Variants in DUSP29 observed in about 807,000 individuals in gnomAD.
DUSP29 encodes atypical dual-specific protein phosphatase.
DUSP29 carries 12 observed loss-of-function variants against 13.5 expected under a neutral mutation model. The observed-to-expected ratio is 0.89, with a 90% CI of 0.57 to 1.44. The LOEUF (loss-of-function observed/expected upper bound fraction) is 1.44. DUSP29 is among the 40% of genes most tolerant of loss of function. DUSP29 has a pLI of 0.00. For synonymous variants in DUSP29, 134 were observed against 128.7 expected (o/e 1.04, Z -0.28); for missense variants, 308 against 301.1 (o/e 1.02, Z -0.17).
At chr10:75,069,919 G>A (rs1847286475) in intron 1 of DUSP29, among the ~76,000 whole-genome samples, 1 of 151,638 alleles carries the variant, frequency 6.6e-6, no homozygotes, top group South Asian at 2.1e-4. Flanking sequence ...GCGTGGTGGT[G>A]TGTGCCTGTA....
At chr10:75,072,598 CATG>C (rs1021267522) in intron 1 of DUSP29, among the ~76,000 whole-genome samples, 134 of 152,160 alleles carry the variant, frequency 8.8e-4, no homozygotes, top group African/African-American at 3.1e-3. Flanking sequence ...ATGATATTCT[CATG>C]ATGAGAACAA....
At chr10:75,068,620 T>C (rs560687119) in intron 1 of DUSP29, among the ~76,000 whole-genome samples, 3 of 152,166 alleles carry the variant, frequency 2.0e-5, no homozygotes, top group Non-Finnish European at 4.4e-5. Flanking sequence ...GTTTCTTCCA[T>C]GACACCACCC....
At chr10:75,063,478 T>A (rs2134302789) in intron 1 of DUSP29, among the ~76,000 whole-genome samples, 1 of 152,050 alleles carries the variant, frequency 6.6e-6, no homozygotes, top group African/African-American at 2.4e-5. Flanking sequence ...GGAGTTAACA[T>A]CCCCCAGAAG....
intron 1 of DUSP29, among the ~76,000 whole-genome samples, chr10:75,061,901 G>T (rs1719490634): frequency 6.6e-6 from 1 of 152,214 alleles, no homozygotes; most frequent in African/African-American, 2.4e-5. Context: ...GGGCTGTGAG[G>T]CCTGTGCAAG....
intron 1 of DUSP29, among the ~76,000 whole-genome samples, chr10:75,071,470 C>T (rs570270315): frequency 6.6e-6 from 1 of 152,332 alleles, no homozygotes; most frequent in African/African-American, 2.4e-5. Flanking sequence ...CCCTCATCTA[C>T]TGTGGGGTCA....
At chr10:75,038,193 C>T (rs1846506610) in intron 3 of DUSP29, 116 bp from the exon 4 acceptor site, 2 of 1,359,334 alleles carry the variant, frequency 1.5e-6, no homozygotes, top group East Asian at 4.9e-5. Flanking sequence ...TGACTCAGCA[C>T]TGTGCCCCAC....
chr10:75,050,776 G>A (rs1187343612), intron 2 of DUSP29, among the ~76,000 whole-genome samples: 1 of 152,252 alleles, frequency 6.6e-6, no homozygotes, highest in Admixed American at 6.5e-5. Context: ...CACCTTGTGT[G>A]AAGAAGACTT....
At chr10:75,070,070 A>AAAGGAAGGAAGG (rs71024533) in intron 1 of DUSP29, among the ~76,000 whole-genome samples, 1 of 105,398 alleles carries the variant, frequency 9.5e-6, no homozygotes, top group Non-Finnish European at 1.9e-5. Context: ...AAGAAAGAAG[A>AAAGGAAGGAAGG]AAGGAAGGAA....
rs531076457 is a variant in DUSP29 at position 75,059,167 on chromosome 10, G to T, written c.-34-619C>A. Among the ~76,000 whole-genome samples, 19 of 152,284 alleles carry T rather than the reference G, an allele frequency of 1.2e-4. No individual in the cohort carries two copies. The South Asian group carries it at 2.7e-3, about 22-fold the overall frequency. ...CAATGCTCACACTCTCACACTGGGA[G>T]CCTGGCCATCACTGTGTTAACTTAC... is the stretch of plus-strand genomic sequence containing the variant. On this transcript the variant is annotated intron_variant, in intron 1 of 3. Coordinates refer to ENST00000338487, the MANE Select transcript of DUSP29 (RefSeq NM_001003892.3).
intron 3 of DUSP29, among the ~76,000 whole-genome samples, chr10:75,040,810 C>T (rs1453663320): frequency 2.0e-5 from 3 of 152,104 alleles, no homozygotes; most frequent in Non-Finnish European, 2.9e-5. Flanking sequence ...GGATTATCTC[C>T]GAGATATTTT....
At position 75,037,919 on chromosome 10, in the gene DUSP29, G is replaced by A. The variant is rs370018285; in HGVS notation, c.580C>T (p.Arg194Trp). 1.7e-4 allele frequency: 273 copies of A among 1,613,648 alleles called. No individual in the cohort carries two copies. Among genetic ancestry groups the A allele is most frequent in the Middle Eastern group, 3.3e-4 (2 of 6,052 alleles). Residue 194 changes from arginine to tryptophan, a missense_variant, in exon 4 of 4, where the codon CGG becomes TGG. Coordinates refer to ENST00000338487, the MANE Select transcript of DUSP29 (RefSeq NM_001003892.3). The stretch of plus-strand genomic sequence containing the variant: ...TGCACCAGCTGCTTGTCCAGCTCCC[G>A]GAGCTGCTTCAAAAAGCCCCGGTTC... The part of the protein sequence containing the change: ...LPNRGFLKQL[R>W]ELDKQLVQQR...
At chr10:75,041,513 A>G (rs1014859060) in intron 3 of DUSP29, among the ~76,000 whole-genome samples, 1 of 152,166 alleles carries the variant, frequency 6.6e-6, no homozygotes, top group Non-Finnish European at 1.5e-5. Context: ...CTTAGCCACA[A>G]GTGCCCCCTA....
chr10:75,062,614 TC>T (rs1234311751), intron 1 of DUSP29, among the ~76,000 whole-genome samples: 1 of 152,088 alleles, frequency 6.6e-6, no homozygotes, highest in African/African-American at 2.4e-5. Context: ...TGTGGAACCG[TC>T]CAGAAACCAC....
chr10:75,054,956 C>T (rs1226361174), intron 2 of DUSP29, among the ~76,000 whole-genome samples: 1 of 152,124 alleles, frequency 6.6e-6, no homozygotes, highest in Non-Finnish European at 1.5e-5. Context: ...CCGCCCACCT[C>T]AGCCCCCCAA....
At chr10:75,050,101 C>T (rs1026614248) in intron 2 of DUSP29, among the ~76,000 whole-genome samples, 1 of 152,176 alleles carries the variant, frequency 6.6e-6, no homozygotes, top group African/African-American at 2.4e-5. Flanking sequence ...TCAATTATCC[C>T]GTTTCAGCCA....
chr10:75,047,959 T>C (rs182983571), intron 2 of DUSP29, among the ~76,000 whole-genome samples: 7 of 152,368 alleles, frequency 4.6e-5, no homozygotes, highest in Admixed American at 4.6e-4. Flanking sequence ...TTTGACGTGA[T>C]ATATTGTAAA....
At chr10:75,053,885 T>C (rs1846898408) in intron 2 of DUSP29, among the ~76,000 whole-genome samples, 1 of 152,206 alleles carries the variant, frequency 6.6e-6, no homozygotes, top group South Asian at 2.1e-4. Flanking sequence ...GACTTGTCCA[T>C]TTGTAAAATG....
chr10:75,056,322 G>A (rs1846957349), intron 2 of DUSP29, among the ~76,000 whole-genome samples: 1 of 152,102 alleles, frequency 6.6e-6, no homozygotes, highest in Admixed American at 6.5e-5. Context: ...GAGTTCAGGA[G>A]TTGGAGACCA....
At chr10:75,045,663 T>C (rs2134284663) in intron 2 of DUSP29, among the ~76,000 whole-genome samples, 1 of 152,216 alleles carries the variant, frequency 6.6e-6, no homozygotes, top group Admixed American at 6.5e-5. Flanking sequence ...AGGAAGCCAG[T>C]GTGGCTGAAG....
Sources: allele counts gnomAD v4.1 joint callset (sites outside exome capture counted in the v4.1 genomes callset), GRCh38; gene constraint gnomAD v4.1.1; transcripts MANE v1.5; gene names NCBI Gene and HGNC (gene_info 2026-07-23, HGNC 2026-07-21).